Variants in HIVEP3 observed in about 807,000 individuals in gnomAD.
The protein encoded by HIVEP3 is HIVEP zinc finger 3, also known as transcription factor HIVEP3.
In HIVEP3, 49 loss-of-function variants were observed where a neutral mutation model predicts 152.8. That is an observed-to-expected ratio of 0.32 (90% CI 0.26 to 0.41). The LOEUF (loss-of-function observed/expected upper bound fraction) is 0.41, where lower values mean the gene tolerates loss of function less well. HIVEP3 is among the 10% of genes least tolerant of loss of function. HIVEP3 has a pLI of 1.00. For missense variants in HIVEP3, 2,790 were observed against 3,103.3 expected (o/e 0.90, Z 2.40); for synonymous variants, 1,269 against 1,289.0 (o/e 0.98, Z 0.33).
intron 1 of HIVEP3, among the ~76,000 whole-genome samples, chr1:41,965,426 C>T (rs1467307371): frequency 6.6e-6 from 1 of 152,202 alleles, no homozygotes; most frequent in Non-Finnish European, 1.5e-5. Context: ...TAATAATAAA[C>T]TTTGCTAAGT....
intron 1 of HIVEP3, among the ~76,000 whole-genome samples, chr1:41,805,834 C>T (rs952885850): frequency 3.9e-4 from 59 of 152,306 alleles, no homozygotes; most frequent in African/African-American, 1.3e-3. Context: ...GAGAGCACCT[C>T]TTTTGGGGGT....
intron 1 of HIVEP3, among the ~76,000 whole-genome samples, chr1:41,738,824 C>T (rs1341844739): frequency 2.6e-5 from 4 of 151,418 alleles, no homozygotes; most frequent in African/African-American, 9.7e-5. Context: ...GCCTCCCTGT[C>T]TGCCTCTTTC....
intron 1 of HIVEP3, among the ~76,000 whole-genome samples, chr1:42,004,618 A>G (rs1645447938): frequency 1.3e-5 from 2 of 152,232 alleles, no homozygotes; most frequent in African/African-American, 4.8e-5. Context: ...TTACTTATAT[A>G]AAGATATGTT....
chr1:41,554,425 G>T (rs1244728731), intron 5 of HIVEP3, among the ~76,000 whole-genome samples: 5 of 152,118 alleles, frequency 3.3e-5, no homozygotes, highest in African/African-American at 1.2e-4. Flanking sequence ...CTTGCGATGG[G>T]TTCGAACATT....
chr1:41,875,569 T>C (rs1557473877), intron 1 of HIVEP3, among the ~76,000 whole-genome samples: 1 of 152,244 alleles, frequency 6.6e-6, no homozygotes, highest in Non-Finnish European at 1.5e-5. Flanking sequence ...TTGCTGACTT[T>C]TGAGAGCTGC....
At position 41,726,900 on chromosome 1, in the gene HIVEP3, T is replaced by G. The variant is rs1478246211; in HGVS notation, c.-800-25905A>C. Among the ~76,000 whole-genome samples the G allele has an allele frequency of 2.0e-5, 3 of 152,240 alleles. No homozygotes were observed. In the South Asian group the frequency reaches 6.2e-4, roughly 32 times the overall value. On this transcript the variant is annotated intron_variant, in intron 1 of 8. Coordinates refer to ENST00000372583, the MANE Select transcript of HIVEP3 (RefSeq NM_024503.5). ...GAAAATGATGCCTCTGTGCTGGGCA[T>G]GGGGGCAGGGGCTCTTGCTGTGGTA...
At chr1:41,655,704 T>A in intron 2 of HIVEP3, among the ~76,000 whole-genome samples, 1 of 149,892 alleles carries the variant, frequency 6.7e-6, no homozygotes, top group South Asian at 2.2e-4. Flanking sequence ...ACTGAACCCA[T>A]CTGACACATT....
intron 6 of HIVEP3, 72 bp from the exon 7 acceptor site, chr1:41,518,560 G>A: frequency 1.4e-6 from 2 of 1,380,126 alleles, no homozygotes; most frequent in Non-Finnish European, 2.1e-6. Context: ...GCTCATGGAG[G>A]TAGCACCTGG....
intron 1 of HIVEP3, among the ~76,000 whole-genome samples, chr1:41,946,469 G>T (rs1645075718): frequency 6.6e-6 from 1 of 152,148 alleles, no homozygotes; most frequent in African/African-American, 2.4e-5. Flanking sequence ...TATCCGAGGG[G>T]GTCCTAGGAC....
intron 2 of HIVEP3, among the ~76,000 whole-genome samples, chr1:41,658,370 C>T (rs897989846): frequency 3.3e-5 from 5 of 152,238 alleles, no homozygotes; most frequent in African/African-American, 1.2e-4. Context: ...AGTTATTTGA[C>T]CACAGGCAAC....
chr1:41,944,987 GA>G (rs1332437082), intron 1 of HIVEP3, among the ~76,000 whole-genome samples: 1 of 152,146 alleles, frequency 6.6e-6, no homozygotes, highest in African/African-American at 2.4e-5. Flanking sequence ...TCAAGGGGGA[GA>G]AACCTGACCT....
At chr1:41,744,723 CCTT>C (rs1246674361) in intron 1 of HIVEP3, among the ~76,000 whole-genome samples, 1 of 152,210 alleles carries the variant, frequency 6.6e-6, no homozygotes, top group East Asian at 1.9e-4. Context: ...AGACAGTTCA[CCTT>C]CTCATGGAAC....
intron 5 of HIVEP3, among the ~76,000 whole-genome samples, chr1:41,532,282 A>G (rs1161308234): frequency 6.6e-6 from 1 of 151,512 alleles, no homozygotes; most frequent in Non-Finnish European, 1.5e-5. Flanking sequence ...GATAGAGGAC[A>G]GGAGAGATGG....
chr1:41,704,325 T>C (rs1045322576), intron 1 of HIVEP3, among the ~76,000 whole-genome samples: 17 of 152,242 alleles, frequency 1.1e-4, no homozygotes, highest in African/African-American at 3.9e-4. Context: ...AAGGCTGCTA[T>C]GAAAAGGCAC....
chr1:41,975,437 C>T (rs1645254081), intron 1 of HIVEP3, among the ~76,000 whole-genome samples: 1 of 152,186 alleles, frequency 6.6e-6, no homozygotes, highest in Admixed American at 6.5e-5. Flanking sequence ...AGGCAAGCTC[C>T]TATGGTAGCA....
chr1:41,738,454 A>G (rs1646950124), intron 1 of HIVEP3, among the ~76,000 whole-genome samples: 1 of 152,202 alleles, frequency 6.6e-6, no homozygotes, highest in Admixed American at 6.5e-5. Flanking sequence ...GTTCTGATAC[A>G]TGCTATAGCA....
intron 2 of HIVEP3, among the ~76,000 whole-genome samples, chr1:41,644,447 A>T (rs147334151): frequency 3.0e-4 from 45 of 152,108 alleles, no homozygotes; most frequent in African/African-American, 8.2e-4. Context: ...GTCTCTAAGG[A>T]CCCCTTCTGT....
At position 41,707,259 on chromosome 1, in the gene HIVEP3, G is replaced by A. The variant is rs116788783; in HGVS notation, c.-800-6264C>T. On this transcript the variant is annotated intron_variant, in intron 1 of 8. Transcript: ENST00000372583. The stretch of plus-strand genomic sequence containing the variant: ...TGCATCCCTGGTCTTTTGCCAAGTC[G>A]AGGGCACTGGCAGGAGAAGCAGAGG... Among the ~76,000 whole-genome samples, 1,462 of 152,328 alleles carry A rather than the reference G, an allele frequency of 9.6e-3. 5 individuals are homozygous for A. The highest frequency in any genetic ancestry group is 0.014 in the Non-Finnish European group (950 of 68,032).
At chr1:41,620,416 C>A (rs548340287) in intron 3 of HIVEP3, among the ~76,000 whole-genome samples, 3 of 152,302 alleles carry the variant, frequency 2.0e-5, no homozygotes, top group African/African-American at 7.2e-5. Context: ...CTGTTCAAAT[C>A]TCCCTTTTCT....
Sources: allele counts gnomAD v4.1 joint callset (sites outside exome capture counted in the v4.1 genomes callset), GRCh38; gene constraint gnomAD v4.1.1; transcripts MANE v1.5; gene names NCBI Gene and HGNC (gene_info 2026-07-23, HGNC 2026-07-21).